LRRC3B: variants seen among roughly 807,000 people sequenced by gnomAD.
The protein encoded by LRRC3B is leucine-rich repeat-containing protein 3B.
LRRC3B carries 2 observed loss-of-function variants against 12.8 expected under a neutral mutation model. That is an observed-to-expected ratio of 0.16 (90% confidence interval 0.06 to 0.49). The LOEUF (loss-of-function observed/expected upper bound fraction) is 0.49, where lower values mean the gene tolerates loss of function less well. Among genes scored for constraint, LRRC3B ranks in the 20% least tolerant of loss-of-function variants. The probability of loss-of-function intolerance (pLI) is 0.96; values close to 1 mark genes in which losing one functional copy is unlikely to be tolerated. For missense variants in LRRC3B, 189 were observed against 319.4 expected, an observed-to-expected ratio of 0.59 and a Z score of 3.11; for synonymous variants, 132 against 122.0, an observed-to-expected ratio of 1.08 and a Z score of -0.54.
At chr3:26,645,208 T>A (rs558413434) in intron 1 of LRRC3B, among the ~76,000 whole-genome samples, 1 of 152,286 alleles carries the variant, frequency 6.6e-6, no homozygotes, top group Admixed American at 6.5e-5. Context: ...GAGATAAATC[T>A]TTGTCATGTG....
intron 1 of LRRC3B, among the ~76,000 whole-genome samples, chr3:26,671,540 C>T (rs1338586498): frequency 7.9e-5 from 12 of 150,982 alleles, no homozygotes; most frequent in South Asian, 4.2e-4. Context: ...TACAGGCGCG[C>T]GCCACCAAGC....
At chr3:26,635,164 C>T (rs1305112190) in intron 1 of LRRC3B, among the ~76,000 whole-genome samples, 1 of 152,118 alleles carries the variant, frequency 6.6e-6, no homozygotes, top group Non-Finnish European at 1.5e-5. Context: ...GCCACCTGGA[C>T]CTCAGGACTG....
intron 1 of LRRC3B, among the ~76,000 whole-genome samples, chr3:26,670,148 CT>C (rs1339333493): frequency 1.6e-4 from 24 of 152,146 alleles, no homozygotes; most frequent in South Asian, 6.2e-4. Context: ...TAATCTACTT[CT>C]TTCATCACAG....
intron 1 of LRRC3B, among the ~76,000 whole-genome samples, chr3:26,657,097 T>C (rs1575133444): frequency 6.6e-6 from 1 of 152,284 alleles, no homozygotes; most frequent in East Asian, 1.9e-4. Flanking sequence ...AATGATTAAA[T>C]ATCAGAGGTA....
chr3:26,707,262 G>A (rs1559375385), intron 1 of LRRC3B, among the ~76,000 whole-genome samples: 1 of 151,842 alleles, frequency 6.6e-6, no homozygotes, highest in Non-Finnish European at 1.5e-5. Flanking sequence ...ATACTCGGGA[G>A]GCTGGGGTGG....
chr3:26,695,408 TC>T (rs1700288892), intron 1 of LRRC3B, among the ~76,000 whole-genome samples: 1 of 152,192 alleles, frequency 6.6e-6, no homozygotes, highest in East Asian at 1.9e-4. Flanking sequence ...GCGCCTGTAG[TC>T]CCAGCTACTT....
At chr3:26,644,989 G>T (rs901416620) in intron 1 of LRRC3B, among the ~76,000 whole-genome samples, 4 of 152,060 alleles carry the variant, frequency 2.6e-5, no homozygotes, top group South Asian at 2.1e-4. Flanking sequence ...TACACATACA[G>T]ACATACATAC....
At chr3:26,678,887 T>C (rs2125439718) in intron 1 of LRRC3B, among the ~76,000 whole-genome samples, 1 of 152,230 alleles carries the variant, frequency 6.6e-6, no homozygotes, top group South Asian at 2.1e-4. Context: ...TTTCTCTTTC[T>C]CATTTAAAAA....
chr3:26,703,765 G>C (rs1317628156), intron 1 of LRRC3B, among the ~76,000 whole-genome samples: 1 of 151,528 alleles, frequency 6.6e-6, no homozygotes, highest in African/African-American at 2.4e-5. Context: ...CTGTCCGTTT[G>C]TATATTCAGT....
chr3:26,676,522 A>G (rs1699864347), intron 1 of LRRC3B, among the ~76,000 whole-genome samples: 1 of 152,138 alleles, frequency 6.6e-6, no homozygotes, highest in Admixed American at 6.5e-5. Context: ...AGAAATGCAA[A>G]TCAAAAGCAC....
chr3:26,625,426 G>T (rs1188457980), intron 1 of LRRC3B: 4 of 152,242 alleles, frequency 2.6e-5, no homozygotes, highest in Non-Finnish European at 5.9e-5. Flanking sequence ...GGCTCCTGGT[G>T]CAGCTCCTGA....
At chr3:26,641,774 T>A (rs9810501) in intron 1 of LRRC3B, among the ~76,000 whole-genome samples, 9,350 of 151,852 alleles carry the variant, frequency 0.062, 690 homozygotes, top group East Asian at 0.17. Context: ...TTAATAAATT[T>A]AAAAAAATCA....
chr3:26,706,200 G>T (rs767200714), intron 1 of LRRC3B, among the ~76,000 whole-genome samples: 1 of 152,030 alleles, frequency 6.6e-6, no homozygotes, highest in Non-Finnish European at 1.5e-5. Flanking sequence ...ATTCATGATG[G>T]CTCTGCTTTC....
At chr3:26,676,157 T>C (rs1364163778) in intron 1 of LRRC3B, among the ~76,000 whole-genome samples, 6 of 151,008 alleles carry the variant, frequency 4.0e-5, no homozygotes, top group Admixed American at 6.6e-5. Context: ...TATGTATACA[T>C]GTGCCATGTT....
At chr3:26,644,816 T>G (rs778465117) in intron 1 of LRRC3B, among the ~76,000 whole-genome samples, 1 of 152,228 alleles carries the variant, frequency 6.6e-6, no homozygotes, top group Non-Finnish European at 1.5e-5. Context: ...ATTGAACTAT[T>G]TGAGGATGAA....
intron 1 of LRRC3B, among the ~76,000 whole-genome samples, chr3:26,687,931 A>G (rs1049081663): frequency 2.6e-5 from 4 of 152,180 alleles, no homozygotes; most frequent in Non-Finnish European, 4.4e-5. Flanking sequence ...GGACAGAACC[A>G]CCAAACAAGG....
intron 1 of LRRC3B, among the ~76,000 whole-genome samples, chr3:26,707,987 T>G (rs1700645111): frequency 6.6e-6 from 1 of 152,236 alleles, no homozygotes; most frequent in South Asian, 2.1e-4. Context: ...TCCATTCTGC[T>G]GTTGCTAATC....
At position 26,648,085 on chromosome 3, in the gene LRRC3B, G is replaced by GT. The variant is rs1204239906; in HGVS notation, c.-161+24859dup. Among the ~76,000 whole-genome samples, 577 of 145,916 alleles carry GT rather than the reference G, an allele frequency of 4.0e-3. 4 individuals are homozygous for GT. Among genetic ancestry groups the GT allele is most frequent in the African/African-American group, 0.012 (476 of 39,938 alleles). ...CCATGTATGGTATAAAAAGTTTGGG[G>GT]TTTTTTTTTTTCATCTACTTACCTT... On this transcript the variant is annotated intron_variant, in intron 1 of 1. Coordinates refer to ENST00000396641, the Ensembl canonical transcript of LRRC3B.
chr3:26,635,325 A>C (rs2125403225), intron 1 of LRRC3B, among the ~76,000 whole-genome samples: 1 of 152,276 alleles, frequency 6.6e-6, no homozygotes, highest in South Asian at 2.1e-4. Flanking sequence ...TTATAGATGA[A>C]ATACCACATT....
Sources: gnomAD v4.1 joint callset for allele counts (sites outside exome capture counted in the v4.1 genomes callset) on GRCh38, gnomAD v4.1.1 for gene constraint, MANE v1.5 for transcripts, NCBI Gene and HGNC (gene_info 2026-07-23, HGNC 2026-07-21) for gene names.